NFIB: variants seen among roughly 807,000 people sequenced by gnomAD.
NFIB encodes the protein nuclear factor 1 B-type.
NFIB carries 11 observed loss-of-function variants against 61.5 expected under a neutral mutation model. The ratio of observed to expected loss-of-function variants is 0.18; its 90% CI spans 0.11 to 0.30. The LOEUF (loss-of-function observed/expected upper bound fraction) is 0.30, where lower values mean the gene tolerates loss of function less well. Among genes scored for constraint, NFIB ranks in the 10% least tolerant of loss-of-function variants. The pLI is 1.00. For missense variants in NFIB, 471 were observed against 608.9 expected, an observed-to-expected ratio of 0.77 and a Z score of 2.38; for synonymous variants, 260 against 216.5, an observed-to-expected ratio of 1.20 and a Z score of -1.76.
At chr9:14,235,158 C>T (rs1445771333) in intron 2 of NFIB, among the ~76,000 whole-genome samples, 4 of 152,050 alleles carry the variant, frequency 2.6e-5, no homozygotes, top group Non-Finnish European at 5.9e-5. Context: ...AGAATAAACA[C>T]CAAGCTCAGA....
chr9:14,511,508 C>T, the NFIB span, among the ~76,000 whole-genome samples: 1 of 124,874 alleles, frequency 8.0e-6, no homozygotes, highest in East Asian at 2.1e-4. Context: ...ATTATTTCAT[C>T]ACTGTATGTT....
intron 1 of NFIB, among the ~76,000 whole-genome samples, chr9:14,393,895 C>T (rs2133038924): frequency 6.6e-6 from 1 of 152,290 alleles, no homozygotes; most frequent in East Asian, 1.9e-4. Context: ...AGGCCAGTTA[C>T]AGTATTTTTG....
intron 2 of NFIB, among the ~76,000 whole-genome samples, chr9:14,262,595 CAAGGAA>C (rs916828913): frequency 1.3e-5 from 2 of 152,060 alleles, no homozygotes; most frequent in Non-Finnish European, 2.9e-5. Context: ...AGAATTGAGA[CAAGGAA>C]AAGGAGCCAC....
At chr9:14,166,737 CTG>C (rs961916978) in intron 3 of NFIB, among the ~76,000 whole-genome samples, 8 of 152,164 alleles carry the variant, frequency 5.3e-5, no homozygotes, top group African/African-American at 1.9e-4. Flanking sequence ...ATCTTAACCT[CTG>C]TGTTTCCTCT....
the NFIB span, among the ~76,000 whole-genome samples, chr9:14,528,611 A>AC: frequency 4.6e-5 from 7 of 152,166 alleles, no homozygotes; most frequent in Admixed American, 6.5e-5. Context: ...AAGTAAACTT[A>AC]CAAATGTTCT....
chr9:14,131,545 C>T (rs2040408930), intron 6 of NFIB, among the ~76,000 whole-genome samples: 2 of 152,142 alleles, frequency 1.3e-5, no homozygotes, highest in South Asian at 2.1e-4. Flanking sequence ...CTCGACTCAT[C>T]GGCAGCTTGC....
chr9:14,428,748 C>T, the NFIB span, among the ~76,000 whole-genome samples: 20 of 152,166 alleles, frequency 1.3e-4, no homozygotes, highest in Non-Finnish European at 2.5e-4. Flanking sequence ...AAAGACAACA[C>T]TGTTGAGGTA....
At chr9:14,388,727 G>A (rs1433082907) in intron 1 of NFIB, among the ~76,000 whole-genome samples, 1 of 152,286 alleles carries the variant, frequency 6.6e-6, no homozygotes, top group Non-Finnish European at 1.5e-5. Context: ...GGATGAGGAA[G>A]TCTAAGGATA....
the NFIB span, among the ~76,000 whole-genome samples, chr9:14,465,235 T>C: frequency 6.6e-6 from 1 of 152,138 alleles, no homozygotes; most frequent in Non-Finnish European, 1.5e-5. Flanking sequence ...AATGGAAGCA[T>C]TATCTCTGAG....
At chr9:14,310,937 C>T (rs1477393275) in intron 1 of NFIB, among the ~76,000 whole-genome samples, 3 of 151,962 alleles carry the variant, frequency 2.0e-5, no homozygotes, top group African/African-American at 7.2e-5. Context: ...TGGCGCATTG[C>T]TATATAACAA....
chr9:14,340,415 C>A (rs957851472), intron 1 of NFIB, among the ~76,000 whole-genome samples: 2 of 152,178 alleles, frequency 1.3e-5, no homozygotes, highest in Admixed American at 1.3e-4. Flanking sequence ...AATACCGATG[C>A]CCACACCACA....
At chr9:14,204,425 T>A in intron 2 of NFIB, 1 of 1,146,290 alleles carries the variant, frequency 8.7e-7, no homozygotes, top group Admixed American at 1.7e-5. Context: ...ATGGCCCCGC[T>A]ATAGCAGGTT....
the NFIB span, among the ~76,000 whole-genome samples, chr9:14,472,125 T>C: frequency 6.6e-6 from 1 of 152,230 alleles, no homozygotes; most frequent in East Asian, 1.9e-4. Context: ...CTGTAGATCA[T>C]CAGGTTGACT....
chr9:14,475,886 C>G, the NFIB span, among the ~76,000 whole-genome samples: 1 of 152,154 alleles, frequency 6.6e-6, no homozygotes, highest in Non-Finnish European at 1.5e-5. Context: ...AGCTACAATA[C>G]CACTGGGGAA....
chr9:14,462,874 G>A, the NFIB span, among the ~76,000 whole-genome samples: 1 of 152,156 alleles, frequency 6.6e-6, no homozygotes, highest in Non-Finnish European at 1.5e-5. Flanking sequence ...TTATTAACAT[G>A]TTTTAAAGTT....
intron 6 of NFIB, among the ~76,000 whole-genome samples, chr9:14,133,410 G>C (rs185516135): frequency 1.3e-4 from 20 of 152,222 alleles, no homozygotes; most frequent in African/African-American, 4.1e-4. Context: ...ACAGGAAAAA[G>C]AAAAGAACCA....
chr9:14,322,504 C>G (rs557742149), intron 1 of NFIB, among the ~76,000 whole-genome samples: 1 of 152,090 alleles, frequency 6.6e-6, no homozygotes. Context: ...CACCCAGCAG[C>G]GCACCCTTCC....
At chr9:14,195,611 G>A (rs1232127523) in intron 2 of NFIB, among the ~76,000 whole-genome samples, 1 of 152,222 alleles carries the variant, frequency 6.6e-6, no homozygotes, top group Non-Finnish European at 1.5e-5. Flanking sequence ...AGTGAAGCCA[G>A]GATTGCAGAC....
intron 1 of NFIB, among the ~76,000 whole-genome samples, chr9:14,342,159 T>C (rs556114633): frequency 4.4e-4 from 67 of 152,284 alleles, no homozygotes; most frequent in African/African-American, 1.4e-3. Context: ...GGATTATGGG[T>C]AAGGGTCTCT....
Sources: allele counts gnomAD v4.1 joint callset (sites outside exome capture counted in the v4.1 genomes callset), GRCh38; gene constraint gnomAD v4.1.1; transcripts MANE v1.5; gene names NCBI Gene and HGNC (gene_info 2026-07-23, HGNC 2026-07-21).